Variants in MASP2 observed in about 807,000 individuals in gnomAD.
The protein encoded by MASP2 is MBL associated serine protease 2.
A neutral mutation model predicts 57.1 loss-of-function variants in MASP2; 49 were observed. That is an observed-to-expected ratio of 0.86 (90% CI 0.68 to 1.09). The LOEUF is 1.09. MASP2 is among the 50% of genes least tolerant of loss of function. MASP2 has a pLI of 0.00. For synonymous variants in MASP2, 379 were observed against 340.8 expected (o/e 1.11, Z -1.24); for missense variants, 900 against 874.8 (o/e 1.03, Z -0.36).
chr1:11,027,783 A>G (rs1293157567), intron 10 of MASP2, 135 bp from the exon 11 acceptor site: 2 of 814,232 alleles, frequency 2.5e-6, no homozygotes, highest in South Asian at 1.9e-5. Flanking sequence ...GTGACTACCT[A>G]TACAGGCAAG....
rs751736967 is a variant in MASP2, at chr1:11,046,655, T to C, written c.313A>G (p.Thr105Ala). The change falls in exon 3 of 11, where the codon ACT (threonine) becomes GCT (alanine). Residue 105 changes from threonine to alanine, a missense_variant. Thr to Ala is a moderately conservative substitution (Grantham distance 58, BLOSUM62 0). Coordinates refer to ENST00000400897, the MANE Select transcript of MASP2 (RefSeq NM_006610.4). ...TDTERAPGKD[T>A]FYSLGSSLDI... ...AGGCTGGAGCCCAGCGAGTAGAAAG[T>C]GTCCTTGCCAGGGGCCCGCTCCGTG... 30 of 1,613,550 alleles carry C rather than the reference T, an allele frequency of 1.9e-5. No individual in the cohort carries two copies. In the African/African-American group the frequency reaches 3.6e-4, roughly 19 times the overall value.
At chr1:11,039,976 G>T (rs926483119) in intron 6 of MASP2, among the ~76,000 whole-genome samples, 3 of 150,760 alleles carry the variant, frequency 2.0e-5, no homozygotes, top group Admixed American at 2.0e-4. Context: ...TAAATGGATG[G>T]GTGGGTGGAT....
chr1:11,043,281 G>T, intron 5 of MASP2, 58 bp downstream of exon 5: 1 of 1,425,898 alleles, frequency 7.0e-7, no homozygotes, highest in Non-Finnish European at 9.6e-7. Context: ...GGAAGTAGGG[G>T]GTGCAGCTGG....
At chr1:11,045,611 G>A in intron 3 of MASP2, 72 bp from the exon 4 acceptor site, 1 of 1,498,228 alleles carries the variant, frequency 6.7e-7, no homozygotes, top group Non-Finnish European at 8.9e-7. Context: ...CTCCTCCCAG[G>A]AGATCCATGA....
intron 6 of MASP2, among the ~76,000 whole-genome samples, chr1:11,038,838 C>T (rs1403432625): frequency 6.6e-6 from 1 of 152,210 alleles, no homozygotes; most frequent in East Asian, 1.9e-4. Context: ...AGAGCCAGGG[C>T]CAGTGGGGGT....
chr1:11,026,956 C>G lies in MASP2; in HGVS notation c.1990G>C (p.Gly664Arg), dbSNP rs758838073. 6.5e-7 allele frequency: 1 copy of G among 1,546,534 alleles called. No homozygotes were observed. Among genetic ancestry groups the G allele is most frequent in the Non-Finnish European group, 8.7e-7 (1 of 1,151,546 alleles). The change falls in exon 11 of 11, where the codon GGT becomes CGT. Residue 664 changes from glycine (G) to arginine (R), a missense_variant. Coordinates refer to ENST00000400897, the MANE Select transcript of MASP2 (RefSeq NM_006610.4). ...ACTTTTGTGTAGACTCCATACTGAC[C>G]TGCTTCCCCACAATTCATGGAACCC... is the stretch of plus-strand genomic sequence containing the variant. Reference protein sequence around the residue: ...SWGSMNCGEAGQYGVYTKVIN... With the variant: ...SWGSMNCGEARQYGVYTKVIN...
chr1:11,034,999 T>C, intron 7 of MASP2, 93 bp from the exon 8 acceptor site: 1 of 812,654 alleles, frequency 1.2e-6, no homozygotes, highest in South Asian at 1.8e-5. Flanking sequence ...TATTCTAGTG[T>C]TTTACGAGGT....
chr1:11,047,090 C>T lies in MASP2; in HGVS notation c.35G>A (p.Gly12Asp). The T allele has an allele frequency of 6.4e-7, 1 of 1,550,856 alleles. No individual in the cohort carries two copies. ...CGGGCCCAAGGGGGTGGCCACCGAG[C>T]CACACAGAAGGCCCAGGAGGGTCAG... ...RLLTLLGLLC[G>D]SVATPLGPKW... Residue 12 changes from glycine (G) to aspartate (D), a missense_variant, in exon 2 of 11, where the codon GGC (glycine) becomes GAC (aspartate). Gly to Asp is a moderately conservative substitution (Grantham distance 94). Transcript: ENST00000400897.
chr1:11,037,810 C>A lies in MASP2; in HGVS notation c.891G>T (p.Ala297=). 1 of 1,598,250 alleles carries A rather than the reference C, an allele frequency of 6.3e-7. No homozygotes were observed. The highest frequency in any genetic ancestry group is 8.5e-7 in the Non-Finnish European group (1 of 1,170,524). The change falls in exon 7 of 11, where the codon GCG becomes GCT. Residue 297 remains alanine, a splice_region_variant and synonymous_variant. Coordinates refer to ENST00000400897, the MANE Select transcript of MASP2 (RefSeq NM_006610.4). The stretch of plus-strand genomic sequence containing the variant: ...GCGCCATCGGATAAGGGCAAGGCTG[C>A]GCTGCGCAGAGGAAACCAGGCTTGT... ...TGWKIHYTST[A]QPCPYPMAPP... is the part of the protein sequence containing the mutation.
intron 8 of MASP2, among the ~76,000 whole-genome samples, chr1:11,034,243 GA>G (rs59936951): frequency 0.077 from 5,069 of 65,800 alleles, 255 homozygotes; most frequent in African/African-American, 0.17. Flanking sequence ...ACCCTTCTCA[GA>G]AAAAAAAAAA....
At position 11,046,992 on chromosome 1, in the gene MASP2, G is replaced by C; in HGVS notation, c.133C>G (p.Arg45Gly). 8 of 1,555,400 alleles carry C rather than the reference G, an allele frequency of 5.1e-6. No individual in the cohort carries two copies. Among genetic ancestry groups the C allele is most frequent in the Non-Finnish European group, 7.0e-6 (8 of 1,149,262 alleles). Residue 45 changes from arginine (R) to glycine (G), a missense_variant, in exon 2 of 11, where the codon CGG (arginine) becomes GGG (glycine). Arg to Gly is a moderately radical substitution (Grantham distance 125). Coordinates refer to ENST00000400897, the MANE Select transcript of MASP2 (RefSeq NM_006610.4). ...FPGEYANDQE[R>G]RWTLTAPPGY... is the part of the protein sequence containing the mutation. ...GGGGGTGCAGTCAGGGTCCAGCGCC[G>C]CTCCTGGTCATTGGCATACTCCCCT...
intron 6 of MASP2, among the ~76,000 whole-genome samples, 193 bp from the exon 7 acceptor site, chr1:11,038,004 G>C (rs1638305377): frequency 6.6e-6 from 1 of 152,178 alleles, no homozygotes; most frequent in African/African-American, 2.4e-5. Flanking sequence ...AAGGTTTCTT[G>C]TTTTCCCTGG....
Position 11,026,687 on chromosome 1 carries a change from C to T in MASP2, c.*198G>A, listed in dbSNP as rs1259380363. On this transcript the variant is annotated 3_prime_UTR_variant, in exon 11 of 11. Transcript: ENST00000400897. ...GACTGTCACTCTCGTGGTTTATGTC[C>T]CCTTGAGTCAATGGGTAAGGCTGGA... The T allele has an allele frequency of 4.8e-6, 2 of 418,030 alleles. No homozygotes were observed. Among genetic ancestry groups the T allele is most frequent in the Non-Finnish European group, 8.3e-6 (2 of 240,238 alleles). The allele number at this position is 418,030 out of a possible 1,614,324, so 25.9% of individuals were successfully genotyped here.
intron 9 of MASP2, 98 bp from the exon 10 acceptor site, chr1:11,030,348 CA>C: frequency 1.2e-6 from 1 of 822,876 alleles, no homozygotes; most frequent in Non-Finnish European, 2.0e-6. Flanking sequence ...TCTTGAGCAT[CA>C]GTGGGACATA....
chr1:11,041,121 G>GGATGGATA (rs1638415589), intron 6 of MASP2, among the ~76,000 whole-genome samples: 1 of 150,232 alleles, frequency 6.7e-6, no homozygotes, highest in African/African-American at 2.5e-5. Context: ...ATGGATGGAT[G>GGATGGATA]GATGGATGGA....
intron 4 of MASP2, among the ~76,000 whole-genome samples, chr1:11,044,456 G>A (rs553916811): frequency 6.6e-6 from 1 of 152,290 alleles, no homozygotes; most frequent in South Asian, 2.1e-4. Flanking sequence ...ATGGGGCAGT[G>A]GGAATCACCC....
intron 8 of MASP2, among the ~76,000 whole-genome samples, chr1:11,031,506 G>A (rs1643844961): frequency 8.4e-6 from 1 of 118,602 alleles, no homozygotes; most frequent in African/African-American, 3.3e-5. Context: ...TCCAGCCTGG[G>A]TGACAGAGCA....
chr1:11,032,032 A>C (rs1351378169), intron 8 of MASP2, among the ~76,000 whole-genome samples: 1 of 152,112 alleles, frequency 6.6e-6, no homozygotes, highest in East Asian at 1.9e-4. Flanking sequence ...CACTCAAGAG[A>C]GGCCAGGGCA....
At chr1:11,041,278 T>A (rs1176671455) in intron 6 of MASP2, among the ~76,000 whole-genome samples, 1 of 149,208 alleles carries the variant, frequency 6.7e-6, no homozygotes, top group Non-Finnish European at 1.5e-5. Context: ...GATGGATGGG[T>A]GAGTAGATGG....
Sources: gnomAD v4.1 joint callset for allele counts (sites outside exome capture counted in the v4.1 genomes callset) on GRCh38, gnomAD v4.1.1 for gene constraint, MANE v1.5 for transcripts, NCBI Gene and HGNC (gene_info 2026-07-23, HGNC 2026-07-21) for gene names.